Variants in ARHGEF10L observed in about 807,000 individuals in gnomAD.
ARHGEF10L encodes Rho guanine nucleotide exchange factor 10 like.
Under a neutral mutation model 141.2 loss-of-function variants are expected in ARHGEF10L, and 69 were observed. That is an observed-to-expected ratio of 0.49 (90% CI 0.40 to 0.60). The LOEUF is 0.60. Among genes scored for constraint, ARHGEF10L ranks in the 20% least tolerant of loss-of-function variants. The pLI is 0.00. For missense variants in ARHGEF10L, 1,482 were observed against 1,734.3 expected (o/e 0.85, Z 2.58); for synonymous variants, 711 against 718.5 (o/e 0.99, Z 0.17).
intron 4 of ARHGEF10L, among the ~76,000 whole-genome samples, chr1:17,600,919 G>A (rs192279150): frequency 2.0e-5 from 3 of 151,934 alleles, no homozygotes; most frequent in Non-Finnish European, 2.9e-5. Context: ...GTGTGGTGGC[G>A]CATGCCTGTA....
chr1:17,556,925 C>T (rs544332325), intron 1 of ARHGEF10L, among the ~76,000 whole-genome samples: 294 of 151,676 alleles, frequency 1.9e-3, no homozygotes, highest in African/African-American at 6.8e-3. Context: ...AGGAGGCTAA[C>T]GCAGGAGGAT....
At chr1:17,562,884 A>G (rs752155517) in intron 1 of ARHGEF10L, among the ~76,000 whole-genome samples, 2 of 152,180 alleles carry the variant, frequency 1.3e-5, no homozygotes, top group African/African-American at 4.8e-5. Context: ...ACATCCTAGC[A>G]GTGTGATTGA....
the ARHGEF10L span, among the ~76,000 whole-genome samples, chr1:17,521,526 T>A: frequency 6.6e-6 from 1 of 152,256 alleles, no homozygotes; most frequent in African/African-American, 2.4e-5. Context: ...ATGACCACTG[T>A]CTGGCAAATT....
intron 7 of ARHGEF10L, among the ~76,000 whole-genome samples, chr1:17,611,674 T>G (rs1041345663): frequency 2.0e-5 from 3 of 152,192 alleles, no homozygotes; most frequent in African/African-American, 7.2e-5. Context: ...CTCTGGGCTT[T>G]GCATGTACAT....
At chr1:17,533,212 T>C in the ARHGEF10L span, among the ~76,000 whole-genome samples, 2 of 152,334 alleles carry the variant, frequency 1.3e-5, no homozygotes, top group South Asian at 2.1e-4. Context: ...TCCTCATTGG[T>C]AAAATGGGGA....
At chr1:17,609,744 G>A (rs1368588262) in intron 7 of ARHGEF10L, among the ~76,000 whole-genome samples, 2 of 152,174 alleles carry the variant, frequency 1.3e-5, no homozygotes, top group Non-Finnish European at 1.5e-5. Flanking sequence ...GTGAGTTGGA[G>A]CTGGGCTTAG....
rs1300059740 is a variant in ARHGEF10L, at chr1:17,607,060, G to A, written c.434-742G>A. 6.6e-6 allele frequency among the ~76,000 whole-genome samples: 1 copy of A among 152,226 alleles called. No individual in the cohort carries two copies. The highest frequency in any genetic ancestry group is 1.9e-4 in the East Asian group (1 of 5,194). The stretch of plus-strand genomic sequence containing the variant: ...TGGAAGATCCCAGGCTGCACGTGAA[G>A]TCAGATTTGGGGTGAGGAGCCCTGA... On this transcript the variant is annotated intron_variant, in intron 6 of 28. Coordinates refer to ENST00000361221, the MANE Select transcript of ARHGEF10L (RefSeq NM_018125.4). The surrounding 1 kb of genome is among the most constrained non-coding windows in gnomAD (Gnocchi z 4.5).
intron 27 of ARHGEF10L, 96 bp from the exon 28 acceptor site, chr1:17,695,062 G>T (rs1162264954): frequency 6.4e-7 from 1 of 1,570,516 alleles, no homozygotes; most frequent in South Asian, 1.1e-5. Flanking sequence ...TTTCAGGGGA[G>T]GAGCCCGCTG....
chr1:17,532,562 C>A, the ARHGEF10L span, among the ~76,000 whole-genome samples: 2 of 151,188 alleles, frequency 1.3e-5, no homozygotes, highest in Admixed American at 1.3e-4. Flanking sequence ...TTACCCTGTG[C>A]TAAGGCTTTG....
chr1:17,636,520 T>G (rs78789636), intron 18 of ARHGEF10L, among the ~76,000 whole-genome samples: 6,992 of 152,304 alleles, frequency 0.046, 532 homozygotes, highest in African/African-American at 0.16. Flanking sequence ...TGGATGTGGC[T>G]CAGGCCCTGG....
intron 22 of ARHGEF10L, among the ~76,000 whole-genome samples, chr1:17,653,469 A>G (rs1288850341): frequency 1.3e-5 from 2 of 152,208 alleles, no homozygotes; most frequent in African/African-American, 4.8e-5. Flanking sequence ...ATGCCTCAGC[A>G]GGGGCTGCCG....
At chr1:17,692,885 C>T (rs2065210040) in intron 27 of ARHGEF10L, among the ~76,000 whole-genome samples, 1 of 152,170 alleles carries the variant, frequency 6.6e-6, no homozygotes, top group African/African-American at 2.4e-5. Flanking sequence ...TCATTCCTGT[C>T]ACAGGGCCTT....
chr1:17,697,152 C>A lies in ARHGEF10L; in HGVS notation c.3612C>A (p.Ser1204Arg). 1 of 1,611,880 alleles carries A rather than the reference C, an allele frequency of 6.2e-7. No individual in the cohort carries two copies. Residue 1204 changes from serine to arginine, a missense_variant, in exon 29 of 29, where the codon AGC becomes AGA. Ser to Arg is a moderately radical substitution (Grantham distance 110). Coordinates refer to ENST00000361221, the MANE Select transcript of ARHGEF10L (RefSeq NM_018125.4). This position sits in a 1 kb window ranked among gnomAD's most constrained non-coding sequence, Gnocchi z 4.8. ...CTGATGGCGCAGCTTTGGAGCACAG[C>A]GAGGAGGACGGCTCCATTTACGAGA... ...APADGAALEH[S>R]EEDGSIYEMA... is the part of the protein sequence containing the mutation.
chr1:17,653,120 A>G (rs865981938), intron 22 of ARHGEF10L, among the ~76,000 whole-genome samples: 3 of 152,078 alleles, frequency 2.0e-5, no homozygotes, highest in African/African-American at 7.2e-5. Flanking sequence ...GGTGCTTTAC[A>G]CTTTCCCTCT....
intron 28 of ARHGEF10L, 35 bp downstream of exon 28, chr1:17,695,315 G>T: frequency 1.3e-6 from 2 of 1,543,812 alleles, no homozygotes; most frequent in Non-Finnish European, 1.7e-6. Flanking sequence ...GCAGGACCAG[G>T]GGGTCAGCTG....
intron 9 of ARHGEF10L, among the ~76,000 whole-genome samples, chr1:17,616,571 T>C (rs1054595029): frequency 4.6e-5 from 7 of 152,226 alleles, no homozygotes; most frequent in African/African-American, 1.2e-4. Flanking sequence ...TCCAACCAGC[T>C]GACATTTACG....
At chr1:17,516,031 C>T in the ARHGEF10L span, among the ~76,000 whole-genome samples, 1 of 152,136 alleles carries the variant, frequency 6.6e-6, no homozygotes, top group Non-Finnish European at 1.5e-5. Context: ...AGAAGACTAA[C>T]GGCTTGGTGA....
chr1:17,675,622 TGTG>T lies in ARHGEF10L; in HGVS notation c.3009+11029_3009+11031del, dbSNP rs201572777. Among the ~76,000 whole-genome samples, 1,452 of 146,270 alleles carry T rather than the reference TGTG, an allele frequency of 9.9e-3. 38 individuals are homozygous for T. The highest frequency in any genetic ancestry group is 0.035 in the African/African-American group (1,375 of 39,018). On this transcript the variant is annotated intron_variant, in intron 26 of 28. Coordinates refer to ENST00000361221, the MANE Select transcript of ARHGEF10L (RefSeq NM_018125.4). ...GTGTGGGTACAGGTTTGTGTGCAAG[TGTG>T]GGGATAGGTTTGTGTGCAGGTGTTG...
rs1051853611 is a variant in ARHGEF10L at position 17,619,871 on chromosome 1, C to A, written c.942+426C>A. ...GGGCCTCAGAGCTGCCACAAGCTCC[C>A]ACCAGGAACTGAGGCTCTTTAAGAA... On this transcript the variant is annotated intron_variant, in intron 10 of 28. Transcript: ENST00000361221. This position sits in a 1 kb window ranked among gnomAD's most constrained non-coding sequence, Gnocchi z 5.0. 2.0e-5 allele frequency among the ~76,000 whole-genome samples: 3 copies of A among 152,080 alleles called. No homozygotes were observed. The highest frequency in any genetic ancestry group is 6.5e-5 in the Admixed American group (1 of 15,268).
Sources: allele counts gnomAD v4.1 joint callset (sites outside exome capture counted in the v4.1 genomes callset), GRCh38; gene constraint gnomAD v4.1.1; non-coding constraint Gnocchi (gnomAD v3.1); transcripts MANE v1.5; gene names NCBI Gene and HGNC (gene_info 2026-07-23, HGNC 2026-07-21).